KIF6: variants seen among roughly 807,000 people sequenced by gnomAD.
The protein encoded by KIF6 is kinesin family member 6.
In KIF6, 106 loss-of-function variants were observed where a neutral mutation model predicts 112.7. That is an observed-to-expected ratio of 0.94 (90% CI 0.80 to 1.11). The LOEUF is 1.11. Among genes scored for constraint, KIF6 ranks in the 50% least tolerant of loss-of-function variants. The pLI is 0.00. For synonymous variants in KIF6, 339 were observed against 339.9 expected (o/e 1.00, Z 0.03); for missense variants, 929 against 964.0 (o/e 0.96, Z 0.48).
chr6:39,452,145 A>C (rs889278176), intron 13 of KIF6, among the ~76,000 whole-genome samples: 1 of 152,230 alleles, frequency 6.6e-6, no homozygotes, highest in East Asian at 1.9e-4. Context: ...TTAATCCAGA[A>C]GCAGAACTGG....
At chr6:39,523,023 G>C (rs1422508127) in intron 13 of KIF6, among the ~76,000 whole-genome samples, 2 of 152,170 alleles carry the variant, frequency 1.3e-5, no homozygotes, top group African/African-American at 4.8e-5. Flanking sequence ...ACATTCGTTT[G>C]CATAGACATT....
At chr6:39,345,086 C>G (rs916709035) in intron 21 of KIF6, among the ~76,000 whole-genome samples, 2 of 152,256 alleles carry the variant, frequency 1.3e-5, no homozygotes, top group African/African-American at 4.8e-5. Flanking sequence ...TTCCGTCCAT[C>G]CTCACCCCTG....
intron 6 of KIF6, among the ~76,000 whole-genome samples, chr6:39,612,362 T>C (rs1783261900): frequency 6.6e-6 from 1 of 152,100 alleles, no homozygotes; most frequent in Admixed American, 6.6e-5. Context: ...AGCTGTTCAT[T>C]TGGGGAACTG....
chr6:39,429,647 T>G (rs9369116), intron 14 of KIF6, among the ~76,000 whole-genome samples: 1 of 152,224 alleles, frequency 6.6e-6, no homozygotes, highest in Non-Finnish European at 1.5e-5. Context: ...CAGTGGCTCA[T>G]GCCTGTAATC....
At chr6:39,720,117 T>C (rs974907978) in intron 2 of KIF6, among the ~76,000 whole-genome samples, 2 of 152,238 alleles carry the variant, frequency 1.3e-5, no homozygotes, top group African/African-American at 4.8e-5. Context: ...ATAATCAATA[T>C]GAAAAATGTC....
At position 39,519,581 on chromosome 6, in the gene KIF6, G is replaced by A. The variant is rs1777263845; in HGVS notation, c.1645+20422C>T. On this transcript the variant is annotated intron_variant, in intron 13 of 22. Transcript: ENST00000287152. ...CTATAACAGCCCTGTCTCCCTCCTG[G>A]TTCCAAAACCTGGGATTCTGCGAGT... Among the ~76,000 whole-genome samples, 4 of 152,194 alleles carry A rather than the reference G, an allele frequency of 2.6e-5. No individual in the cohort carries two copies. In the South Asian group the frequency reaches 8.3e-4, roughly 32 times the overall value.
intron 13 of KIF6, among the ~76,000 whole-genome samples, chr6:39,453,582 A>G (rs1266104838): frequency 2.0e-5 from 3 of 152,166 alleles, no homozygotes; most frequent in Non-Finnish European, 4.4e-5. Context: ...AACAATGGCT[A>G]CCAAATGGCT....
chr6:39,665,344 A>G (rs1786405743), intron 3 of KIF6, among the ~76,000 whole-genome samples: 1 of 152,190 alleles, frequency 6.6e-6, no homozygotes, highest in Non-Finnish European at 1.5e-5. Context: ...ACACAAAGTC[A>G]ATATGCACAA....
At chr6:39,443,442 T>A (rs1772081821) in intron 13 of KIF6, among the ~76,000 whole-genome samples, 1 of 152,172 alleles carries the variant, frequency 6.6e-6, no homozygotes, top group African/African-American at 2.4e-5. Context: ...TATTTAATTT[T>A]ATTTATTTTT....
intron 15 of KIF6, among the ~76,000 whole-genome samples, chr6:39,412,598 A>T (rs186142239): frequency 6.6e-6 from 1 of 152,202 alleles, no homozygotes; most frequent in African/African-American, 2.4e-5. Flanking sequence ...TCTTACAACC[A>T]TGTTTCTTTA....
At chr6:39,640,105 C>A (rs112826454) in intron 3 of KIF6, among the ~76,000 whole-genome samples, 10,667 of 152,096 alleles carry the variant, frequency 0.07, 417 homozygotes, top group Middle Eastern at 0.11. Context: ...CAACCTGACA[C>A]CTGGTACCTC....
chr6:39,418,315 C>A (rs963859968), intron 15 of KIF6, among the ~76,000 whole-genome samples: 4 of 152,128 alleles, frequency 2.6e-5, no homozygotes, highest in Admixed American at 2.0e-4. Context: ...ACCTTACGGA[C>A]CCCTTCTCAG....
chr6:39,622,185 C>A (rs944032056), intron 5 of KIF6, among the ~76,000 whole-genome samples: 32 of 150,112 alleles, frequency 2.1e-4, no homozygotes, highest in African/African-American at 7.6e-4. Context: ...AAAAAAGAAA[C>A]AAAGAAATTG....
In KIF6 at chr6:39,333,087, A is replaced by G. The variant is rs1762799483; in HGVS notation, c.*3445T>C. On this transcript the variant is annotated 3_prime_UTR_variant, in exon 23 of 23. Transcript: ENST00000287152. ...TGGTTTGTATAGAGGATTTTGTCTCATTTTTAGTCATTTAAAGCAGGAGGG... is the reference window on the plus strand; with the variant it reads ...TGGTTTGTATAGAGGATTTTGTCTCGTTTTTAGTCATTTAAAGCAGGAGGG... The G allele has an allele frequency of 6.6e-6, 1 of 152,126 alleles. No homozygotes were observed. Among genetic ancestry groups the G allele is most frequent in the African/African-American group, 2.4e-5 (1 of 41,406 alleles). The allele number at this position is 152,126 out of a possible 1,614,324, so 9.4% of individuals were successfully genotyped here.
chr6:39,524,152 AAG>A (rs59374171), intron 13 of KIF6, among the ~76,000 whole-genome samples: 34,138 of 148,876 alleles, frequency 0.23, 4,596 homozygotes, highest in African/African-American at 0.37. Flanking sequence ...GTGTGTGTGA[AAG>A]AGAGAGAGAG....
intron 13 of KIF6, among the ~76,000 whole-genome samples, chr6:39,449,868 T>C (rs966405804): frequency 1.3e-5 from 2 of 152,194 alleles, no homozygotes; most frequent in African/African-American, 4.8e-5. Flanking sequence ...ATCAGAATTT[T>C]TTAAATAACC....
At chr6:39,522,027 C>A (rs990896903) in intron 13 of KIF6, among the ~76,000 whole-genome samples, 7 of 152,164 alleles carry the variant, frequency 4.6e-5, no homozygotes, top group Admixed American at 4.6e-4. Flanking sequence ...ACTCTGCTCT[C>A]TGGAACCCTC....
intron 5 of KIF6, among the ~76,000 whole-genome samples, chr6:39,625,678 T>G (rs1057400244): frequency 6.6e-6 from 1 of 152,092 alleles, no homozygotes; most frequent in African/African-American, 2.4e-5. Context: ...AAACATGTAA[T>G]GCAAAAGGTA....
At chr6:39,349,631 CTTTT>C (rs58810898) in intron 19 of KIF6, among the ~76,000 whole-genome samples, 26 of 64,560 alleles carry the variant, frequency 4.0e-4, no homozygotes, top group East Asian at 1.6e-3. Context: ...ATTTGTGGCT[CTTTT>C]TTTTTTTTTT....
Sources: gnomAD v4.1 joint callset for allele counts (sites outside exome capture counted in the v4.1 genomes callset) on GRCh38, gnomAD v4.1.1 for gene constraint, MANE v1.5 for transcripts, NCBI Gene and HGNC (gene_info 2026-07-23, HGNC 2026-07-21) for gene names.